The following ADGRL3 variants were observed in gnomAD, a reference collection of about 807,000 sequenced individuals.
ADGRL3 encodes the protein calcium-independent alpha-latrotoxin receptor 3.
Under a neutral mutation model 153.5 loss-of-function variants are expected in ADGRL3, and 62 were observed. The ratio of observed to expected loss-of-function variants is 0.40; its 90% confidence interval spans 0.33 to 0.50. ADGRL3 has a LOEUF of 0.50. ADGRL3 is among the 20% of genes least tolerant of loss of function. The pLI is 0.47. For synonymous variants in ADGRL3, 710 were observed against 672.5 expected (o/e 1.06, Z -0.86); for missense variants, 1,641 against 1,859.4 (o/e 0.88, Z 2.16).
chr4:61,249,189 A>C (rs1282353108), intron 1 of ADGRL3, among the ~76,000 whole-genome samples: 1 of 152,126 alleles, frequency 6.6e-6, no homozygotes, highest in Non-Finnish European at 1.5e-5. Flanking sequence ...GTTAGGAATA[A>C]ATGGATTTCT....
At chr4:61,501,078 T>G (rs1250055273) in intron 3 of ADGRL3, among the ~76,000 whole-genome samples, 1 of 152,158 alleles carries the variant, frequency 6.6e-6, no homozygotes, top group Non-Finnish European at 1.5e-5. Context: ...CAGACTGTGG[T>G]TCTGAAGCCT....
chr4:61,399,247 A>G (rs1341644030), intron 2 of ADGRL3, among the ~76,000 whole-genome samples: 1 of 151,742 alleles, frequency 6.6e-6, no homozygotes, highest in Non-Finnish European at 1.5e-5. Context: ...TAAATGAAAT[A>G]TGTAAAATGC....
intron 9 of ADGRL3, among the ~76,000 whole-genome samples, chr4:61,878,426 A>G (rs2098488920): frequency 6.6e-6 from 1 of 152,220 alleles, no homozygotes; most frequent in Non-Finnish European, 1.5e-5. Context: ...TTTGTATATT[A>G]CTATAGCTAT....
Position 61,864,614 on chromosome 4 carries a change from G to T in ADGRL3, c.1481-28042G>T, listed in dbSNP as rs80095642. Among the ~76,000 whole-genome samples, 702 of 152,254 alleles carry T rather than the reference G, an allele frequency of 4.6e-3. 1 individual carries two copies. The highest frequency in any genetic ancestry group is 0.016 in the African/African-American group (647 of 41,544). On this transcript the variant is annotated intron_variant, in intron 9 of 26. Transcript: ENST00000683033. ...TAGTAATGCTGGCTTTAGAAGGACA[G>T]AATTTTTGTCTATGATTCCTTTTAT...
chr4:61,237,648 G>A (rs1427298096), intron 1 of ADGRL3, among the ~76,000 whole-genome samples: 2 of 152,158 alleles, frequency 1.3e-5, no homozygotes, highest in Admixed American at 1.3e-4. Context: ...AAAATTAGCT[G>A]TAAAACAATT....
chr4:61,446,176 C>T (rs9995985), intron 2 of ADGRL3, among the ~76,000 whole-genome samples: 27,569 of 152,050 alleles, frequency 0.18, 2,617 homozygotes, highest in Non-Finnish European at 0.21. Flanking sequence ...GTGTATATAT[C>T]TCTCACTTGC....
intron 8 of ADGRL3, among the ~76,000 whole-genome samples, chr4:61,767,172 C>A (rs954350335): frequency 2.0e-5 from 3 of 151,396 alleles, no homozygotes; most frequent in South Asian, 4.2e-4. Context: ...AGAGGAGGAC[C>A]CAAAGGAGGC....
intron 2 of ADGRL3, among the ~76,000 whole-genome samples, chr4:61,489,112 T>TTA (rs1245536211): frequency 2.0e-5 from 3 of 152,024 alleles, no homozygotes; most frequent in Non-Finnish European, 2.9e-5. Context: ...TTATAGCTTC[T>TTA]TATATATATT....
intron 3 of ADGRL3, among the ~76,000 whole-genome samples, chr4:61,510,362 T>C (rs1354019929): frequency 6.6e-6 from 1 of 152,156 alleles, no homozygotes; most frequent in African/African-American, 2.4e-5. Flanking sequence ...ACTTTATAGG[T>C]TTGCTTGTAG....
rs1217902560 is a variant in ADGRL3 at position 61,200,896 on chromosome 4, C to T, written c.-1109C>T. 6.6e-6 allele frequency among the ~76,000 whole-genome samples: 1 copy of T among 151,880 alleles called. No homozygotes were observed. The highest frequency in any genetic ancestry group is 1.5e-5 in the Non-Finnish European group (1 of 67,974). Reference sequence around the variant, plus strand: ...TCATCCACCCCACGGGCTCGGGGTTCGCCGGCCCCCGGGACGCAGCCCTCG... The same window carrying T: ...TCATCCACCCCACGGGCTCGGGGTTTGCCGGCCCCCGGGACGCAGCCCTCG... On this transcript the variant is annotated 5_prime_UTR_variant, in exon 1 of 27. Transcript: ENST00000683033.
chr4:61,757,744 T>C (rs1325742182), intron 8 of ADGRL3, among the ~76,000 whole-genome samples: 1 of 152,248 alleles, frequency 6.6e-6, no homozygotes, highest in Admixed American at 6.5e-5. Flanking sequence ...TCCTGCTTTC[T>C]CTTGTGGGCA....
intron 1 of ADGRL3, among the ~76,000 whole-genome samples, chr4:61,326,189 T>C (rs2150869085): frequency 6.6e-6 from 1 of 152,230 alleles, no homozygotes; most frequent in African/African-American, 2.4e-5. Flanking sequence ...TATACATGCT[T>C]TCAATAAGCA....
rs2097656280 is a variant in ADGRL3, at chr4:61,813,684, G to A, written c.1400-125G>A. The A allele has an allele frequency of 6.5e-6, 7 of 1,073,586 alleles. No homozygotes were observed. The South Asian group carries it at 1.2e-4, about 18-fold the overall frequency. 66.5% of individuals were successfully genotyped at this position (1,073,586 alleles called of 1,614,324 possible). A position where few individuals can be genotyped will look rare whatever the true frequency, so the allele number is the denominator to read the frequency against. On this transcript the variant is annotated intron_variant, in intron 8 of 26. Transcript: ENST00000683033. ...ATTGTTTTTATGTTTGGGCAGATAT[G>A]TCTACTCTTTAATTTAGGCTATTAA...
chr4:61,476,690 C>T (rs1353965008), intron 2 of ADGRL3, among the ~76,000 whole-genome samples: 2 of 79,562 alleles, frequency 2.5e-5, no homozygotes, highest in Non-Finnish European at 4.5e-5. Flanking sequence ...GCCTGGGCAA[C>T]AAGAGCAAGA....
chr4:61,546,358 G>A (rs989001322), intron 4 of ADGRL3, among the ~76,000 whole-genome samples: 3 of 152,144 alleles, frequency 2.0e-5, no homozygotes, highest in Admixed American at 6.5e-5. Context: ...GTGAGAACCT[G>A]TTGTTAAATT....
chr4:61,439,983 C>T (rs1038621766), intron 2 of ADGRL3, among the ~76,000 whole-genome samples: 1 of 151,976 alleles, frequency 6.6e-6, no homozygotes, highest in African/African-American at 2.4e-5. Flanking sequence ...TTCTGCTATC[C>T]CCATCAATGA....
In ADGRL3 at chr4:61,549,884, T is replaced by C. The variant is rs1452269729; in HGVS notation, c.259+32366T>C. Among the ~76,000 whole-genome samples the C allele has an allele frequency of 3.3e-5, 5 of 152,150 alleles. No homozygotes were observed. The East Asian group carries it at 9.6e-4, about 29-fold the overall frequency. ...ATAAGATTTTTCTTTCAGCAACATATTGATACACATTTCAACCCAGCAATG... is the reference window on the plus strand; with the variant it reads ...ATAAGATTTTTCTTTCAGCAACATACTGATACACATTTCAACCCAGCAATG... On this transcript the variant is annotated intron_variant, in intron 4 of 26. Transcript: ENST00000683033.
intron 1 of ADGRL3, among the ~76,000 whole-genome samples, chr4:61,266,226 G>T (rs2092836814): frequency 1.3e-5 from 2 of 151,764 alleles, no homozygotes; most frequent in South Asian, 4.2e-4. Flanking sequence ...GTATTCTAAA[G>T]GTTTTCTGAC....
At chr4:61,571,040 T>A (rs2098836480) in intron 4 of ADGRL3, among the ~76,000 whole-genome samples, 1 of 152,086 alleles carries the variant, frequency 6.6e-6, no homozygotes, top group African/African-American at 2.4e-5. Flanking sequence ...TAATCAAGGT[T>A]ATCTCAAAAG....
Sources: gnomAD v4.1 joint callset for allele counts (sites outside exome capture counted in the v4.1 genomes callset) on GRCh38, gnomAD v4.1.1 for gene constraint, MANE v1.5 for transcripts, NCBI Gene and HGNC (gene_info 2026-07-23, HGNC 2026-07-21) for gene names.